CNTNAP2: variants seen among roughly 807,000 people sequenced by gnomAD.
CNTNAP2 encodes the protein contactin associated protein 2.
A neutral mutation model predicts 155.2 loss-of-function variants in CNTNAP2; 98 were observed. The observed-to-expected ratio is 0.63, with a 90% CI of 0.54 to 0.75. The LOEUF is 0.75. CNTNAP2 is among the 30% of genes least tolerant of loss of function. CNTNAP2 has a pLI of 0.00. For synonymous variants in CNTNAP2, 651 were observed against 631.2 expected (o/e 1.03, Z -0.47); for missense variants, 1,727 against 1,688.1 (o/e 1.02, Z -0.40).
Position 147,800,348 on chromosome 7 carries a change from C to T in CNTNAP2, c.2099-103217C>T, listed in dbSNP as rs148520985. 3.0e-3 allele frequency among the ~76,000 whole-genome samples: 452 copies of T among 152,020 alleles called. 5 individuals are homozygous for T. The highest frequency in any genetic ancestry group is 0.01 in the African/African-American group (429 of 41,446). ...AATGCCATTATAGACTAAGACCCAACTGCAAGGAGGAAATGAGATTTTTTT... is the reference window on the plus strand; with the variant it reads ...AATGCCATTATAGACTAAGACCCAATTGCAAGGAGGAAATGAGATTTTTTT... On this transcript the variant is annotated intron_variant, in intron 13 of 23. Coordinates refer to ENST00000361727, the MANE Select transcript of CNTNAP2 (RefSeq NM_014141.6).
At chr7:147,131,039 T>TAC (rs1202511221) in intron 7 of CNTNAP2, among the ~76,000 whole-genome samples, 4 of 147,758 alleles carry the variant, frequency 2.7e-5, no homozygotes, top group Admixed American at 1.4e-4. Context: ...TATATATATA[T>TAC]ACACATATAT....
intron 3 of CNTNAP2, among the ~76,000 whole-genome samples, chr7:146,909,309 C>A (rs997252329): frequency 7.6e-6 from 1 of 131,962 alleles, no homozygotes; most frequent in Non-Finnish European, 1.6e-5. Context: ...TTTATGAGGC[C>A]AGCATCATTC....
chr7:146,812,060 G>A (rs1803075905), intron 2 of CNTNAP2, among the ~76,000 whole-genome samples: 1 of 152,074 alleles, frequency 6.6e-6, no homozygotes, highest in Non-Finnish European at 1.5e-5. Flanking sequence ...AATTGGTACT[G>A]GGAGAATGGG....
At chr7:148,218,227 A>G (rs1795680990) in intron 19 of CNTNAP2, among the ~76,000 whole-genome samples, 1 of 152,268 alleles carries the variant, frequency 6.6e-6, no homozygotes, top group African/African-American at 2.4e-5. Context: ...TTAATTTTAC[A>G]TAAATTAATT....
intron 1 of CNTNAP2, among the ~76,000 whole-genome samples, chr7:146,721,889 A>ATATATTTTTTTTTTTTTTTTTTTTT: frequency 4.3e-5 from 3 of 69,738 alleles, no homozygotes; most frequent in Non-Finnish European, 7.1e-5. Context: ...ATATATATAT[A>ATATATTTTTTTTTTTTTTTTTTTTT]TTTTTTTTTT....
intron 1 of CNTNAP2, among the ~76,000 whole-genome samples, chr7:146,534,656 A>G (rs1444020528): frequency 2.6e-5 from 4 of 151,982 alleles, no homozygotes; most frequent in Non-Finnish European, 4.4e-5. Context: ...TGTAAAATGC[A>G]GTTACATGCT....
chr7:146,307,407 A>G, intron 1 of CNTNAP2, among the ~76,000 whole-genome samples: 1 of 152,170 alleles, frequency 6.6e-6, no homozygotes, highest in East Asian at 1.9e-4. Context: ...ATACTGCCCA[A>G]GGTAATTTAT....
chr7:148,144,949 A>C (rs1226886921), intron 16 of CNTNAP2, among the ~76,000 whole-genome samples: 1 of 152,162 alleles, frequency 6.6e-6, no homozygotes, highest in African/African-American at 2.4e-5. Context: ...AACTGAACTT[A>C]GAAGCTTTTA....
intron 8 of CNTNAP2, among the ~76,000 whole-genome samples, chr7:147,170,939 G>A (rs1266188894): frequency 6.6e-6 from 1 of 152,156 alleles, no homozygotes; most frequent in African/African-American, 2.4e-5. Context: ...TCTGGGGCCA[G>A]GGCCTCTCAG....
chr7:146,856,374 G>A (rs1332935643), intron 3 of CNTNAP2, among the ~76,000 whole-genome samples: 1 of 151,990 alleles, frequency 6.6e-6, no homozygotes, highest in African/African-American at 2.4e-5. Context: ...AAATGAGGCA[G>A]AAGAGAGGCC....
chr7:148,148,605 C>A (rs923640354), intron 17 of CNTNAP2, among the ~76,000 whole-genome samples: 1 of 152,250 alleles, frequency 6.6e-6, no homozygotes, highest in African/African-American at 2.4e-5. Flanking sequence ...ATATTCATAA[C>A]ACCTGCCACT....
rs141922146 is a variant in CNTNAP2, at chr7:147,430,120, T to C, written c.1670+34340T>C. The stretch of plus-strand genomic sequence containing the variant: ...GCTAGATGTCAAAGCAGGAAATAGA[T>C]ATTTGGTGTCAGAAACATGAATCTA... On this transcript the variant is annotated intron_variant, in intron 10 of 23. Transcript: ENST00000361727. Among the ~76,000 whole-genome samples the C allele has an allele frequency of 8.9e-4, 135 of 152,322 alleles. 1 individual carries two copies. The East Asian group carries it at 0.024, about 28-fold the overall frequency.
At chr7:146,560,853 A>G (rs1372991106) in intron 1 of CNTNAP2, among the ~76,000 whole-genome samples, 5 of 152,138 alleles carry the variant, frequency 3.3e-5, no homozygotes, top group East Asian at 1.9e-4. Flanking sequence ...CTGATCATCT[A>G]TTGGTCTTCC....
intron 1 of CNTNAP2, among the ~76,000 whole-genome samples, chr7:146,742,125 T>A (rs1481218145): frequency 6.6e-6 from 1 of 152,154 alleles, no homozygotes; most frequent in Non-Finnish European, 1.5e-5. Context: ...AGCCAGTTTG[T>A]GGCATTTTTG....
At chr7:146,766,856 C>T (rs1173747322) in intron 1 of CNTNAP2, among the ~76,000 whole-genome samples, 6 of 151,920 alleles carry the variant, frequency 3.9e-5, no homozygotes, top group African/African-American at 1.5e-4. Context: ...GGGCTCACCC[C>T]TATAACACTG....
At chr7:146,219,566 G>A (rs917836872) in intron 1 of CNTNAP2, among the ~76,000 whole-genome samples, 1 of 152,120 alleles carries the variant, frequency 6.6e-6, no homozygotes, top group Non-Finnish European at 1.5e-5. Context: ...CACCTTCAGG[G>A]CACCAAGAAG....
intron 13 of CNTNAP2, among the ~76,000 whole-genome samples, chr7:147,866,396 T>C (rs574261609): frequency 6.6e-6 from 1 of 152,292 alleles, no homozygotes; most frequent in South Asian, 2.1e-4. Flanking sequence ...GTGTATTCTG[T>C]TGATTTGGGG....
intron 15 of CNTNAP2, among the ~76,000 whole-genome samples, chr7:148,074,816 G>A (rs1803453495): frequency 6.6e-6 from 1 of 152,162 alleles, no homozygotes; most frequent in African/African-American, 2.4e-5. Flanking sequence ...ATAGTTTACA[G>A]GCCAATGACA....
chr7:146,860,259 G>A (rs1257640470), intron 3 of CNTNAP2, among the ~76,000 whole-genome samples: 2 of 152,206 alleles, frequency 1.3e-5, no homozygotes, highest in African/African-American at 2.4e-5. Context: ...TGAGGGTGGT[G>A]AGACAGAGGG....
Sources: allele counts gnomAD v4.1 joint callset (sites outside exome capture counted in the v4.1 genomes callset), GRCh38; gene constraint gnomAD v4.1.1; transcripts MANE v1.5; gene names NCBI Gene and HGNC (gene_info 2026-07-23, HGNC 2026-07-21).